The following NDUFA10 variants were observed in gnomAD, a reference collection of about 807,000 sequenced individuals.
NDUFA10 encodes the protein NADH dehydrogenase [ubiquinone] 1 alpha subcomplex subunit 10, mitochondrial.
Under a neutral mutation model 47.8 loss-of-function variants are expected in NDUFA10, and 40 were observed. The observed-to-expected ratio is 0.84, with a 90% CI of 0.65 to 1.09. The LOEUF (loss-of-function observed/expected upper bound fraction) is 1.09. NDUFA10 is among the 50% of genes least tolerant of loss of function. The pLI is 0.00. For synonymous variants in NDUFA10, 183 were observed against 172.2 expected (o/e 1.06, Z -0.49); for missense variants, 413 against 451.1 (o/e 0.92, Z 0.76).
At chr2:239,968,205 C>T (rs1005250746) in intron 9 of NDUFA10, among the ~76,000 whole-genome samples, 8 of 152,136 alleles carry the variant, frequency 5.3e-5, no homozygotes, top group African/African-American at 1.7e-4. Flanking sequence ...CCTACCTGAC[C>T]AACACGGAGA....
intron 3 of NDUFA10, among the ~76,000 whole-genome samples, chr2:240,020,538 TA>T (rs1697578205): frequency 6.6e-6 from 1 of 152,198 alleles, no homozygotes; most frequent in Non-Finnish European, 1.5e-5. Flanking sequence ...TGCACACAAG[TA>T]GTCCATGTTC....
intron 8 of NDUFA10, among the ~76,000 whole-genome samples, chr2:240,001,919 T>C (rs748523486): frequency 2.0e-5 from 3 of 152,208 alleles, no homozygotes; most frequent in Non-Finnish European, 2.9e-5. Flanking sequence ...TTGAAATGTG[T>C]TGTCCACCTG....
At chr2:239,979,943 C>T (rs889023070) in intron 9 of NDUFA10, among the ~76,000 whole-genome samples, 1 of 152,102 alleles carries the variant, frequency 6.6e-6, no homozygotes, top group Non-Finnish European at 1.5e-5. Flanking sequence ...CCATGTCCAC[C>T]TGTTCCTGCC....
At chr2:239,911,670 A>T (rs371747866) in intron 4 of NDUFA10, among the ~76,000 whole-genome samples, 4,910 of 146,602 alleles carry the variant, frequency 0.033, 269 homozygotes, top group African/African-American at 0.12. Context: ...AACATGAGAG[A>T]GTGTGTGTGC....
chr2:239,905,130 T>A (rs1693623220), intron 4 of NDUFA10, among the ~76,000 whole-genome samples: 1 of 152,228 alleles, frequency 6.6e-6, no homozygotes, highest in Non-Finnish European at 1.5e-5. Flanking sequence ...CTGCTGGGTA[T>A]AAACTCACTG....
At chr2:239,978,176 T>A (rs1263217740) in intron 9 of NDUFA10, among the ~76,000 whole-genome samples, 5 of 152,126 alleles carry the variant, frequency 3.3e-5, no homozygotes, top group Non-Finnish European at 1.5e-5. Context: ...TCTTGCATCT[T>A]TTCCCTCTTT....
chr2:239,971,846 A>C (rs1358238059), intron 9 of NDUFA10, among the ~76,000 whole-genome samples: 2 of 152,226 alleles, frequency 1.3e-5, no homozygotes, highest in Non-Finnish European at 2.9e-5. Flanking sequence ...TACTACTTAT[A>C]CGAGGTTTTA....
At chr2:240,022,784 C>G (rs544707596) in intron 1 of NDUFA10, among the ~76,000 whole-genome samples, 17 of 152,166 alleles carry the variant, frequency 1.1e-4, no homozygotes, top group African/African-American at 3.6e-4. Context: ...CCTCGTTACC[C>G]CACTGCCTAT....
At position 239,960,613 on chromosome 2, in the gene NDUFA10, GA is replaced by G; in HGVS notation, c.*504del. ...CTAAAATAAATACAGTAGGCCTTTA[GA>G]AAAACTCTTCAGCATAATGTAAGCC... On this transcript the variant is annotated 3_prime_UTR_variant, in exon 10 of 10. Coordinates refer to ENST00000252711, the MANE Select transcript of NDUFA10 (RefSeq NM_004544.4). 1 of 1,023,548 alleles carries G rather than the reference GA, an allele frequency of 9.8e-7. No individual in the cohort carries two copies. The highest frequency in any genetic ancestry group is 1.2e-6 in the Non-Finnish European group (1 of 850,584). The allele number at this position is 1,023,548 out of a possible 1,614,324, so 63.4% of individuals were successfully genotyped here.
At chr2:240,003,070 G>A (rs977535154) in intron 8 of NDUFA10, among the ~76,000 whole-genome samples, 3 of 152,112 alleles carry the variant, frequency 2.0e-5, no homozygotes, top group Non-Finnish European at 2.9e-5. Context: ...GGCTGGTCTC[G>A]AACTCCGGGG....
rs186669346 is a variant in NDUFA10 at position 240,014,318 on chromosome 2, G to A, written c.669+421C>T. The stretch of plus-strand genomic sequence containing the variant: ...AAGTAAGAAAAAGGGGGAGAGGCAC[G>A]ATTTGCGTTAAATAGATTGAAGTGA... On this transcript the variant is annotated intron_variant, in intron 5 of 9. Transcript: ENST00000252711. 666 of 285,514 alleles carry A rather than the reference G, an allele frequency of 2.3e-3. 3 individuals carry two copies. Among genetic ancestry groups the A allele is most frequent in the South Asian group, 7.1e-3 (196 of 27,668 alleles). 17.7% of individuals were successfully genotyped at this position (285,514 alleles called of 1,614,324 possible).
At chr2:239,915,198 C>T (rs1317945674) in intron 4 of NDUFA10, among the ~76,000 whole-genome samples, 1 of 145,836 alleles carries the variant, frequency 6.9e-6, no homozygotes, top group Non-Finnish European at 1.5e-5. Context: ...CACACGTATA[C>T]AGACACACAA....
At chr2:239,935,542 CCTGG>C (rs778938205) in intron 4 of NDUFA10, among the ~76,000 whole-genome samples, 2 of 152,144 alleles carry the variant, frequency 1.3e-5, no homozygotes, top group South Asian at 4.1e-4. Flanking sequence ...ACGGGGACTC[CCTGG>C]CTGTCTCACT....
rs543171210 is a variant in NDUFA10 at position 239,934,870 on chromosome 2, A to C, written c.295-39556T>G. On this transcript the variant is annotated intron_variant, in intron 4 of 5. Transcript: ENST00000419408. ...CCACACATGGGCCTGCAACTCAGAC[A>C]ACCCCACTCCCTCTCGCTCACCAGG... Among the ~76,000 whole-genome samples the C allele has an allele frequency of 3.3e-5, 5 of 152,232 alleles. No individual in the cohort carries two copies. In the East Asian group the frequency reaches 7.8e-4, roughly 24 times the overall value.
chr2:239,905,350 A>G (rs754051463), intron 4 of NDUFA10, among the ~76,000 whole-genome samples: 5 of 152,210 alleles, frequency 3.3e-5, no homozygotes, highest in Non-Finnish European at 5.9e-5. Flanking sequence ...TCCCGGCTCA[A>G]AGGGCGTCTA....
At chr2:240,022,442 A>G in intron 1 of NDUFA10, 102 bp from the exon 2 acceptor site, 1 of 1,523,456 alleles carries the variant, frequency 6.6e-7, no homozygotes, top group East Asian at 2.4e-5. Context: ...CTTAGTGATA[A>G]AAATGCCAAC....
chr2:239,978,732 G>A (rs938705166), intron 9 of NDUFA10, among the ~76,000 whole-genome samples: 2 of 152,212 alleles, frequency 1.3e-5, no homozygotes, highest in Non-Finnish European at 2.9e-5. Flanking sequence ...GTCTGAAAAG[G>A]AAGAGCTGCT....
At chr2:240,011,500 A>G (rs1369040718) in intron 6 of NDUFA10, 117 bp downstream of exon 6, 3 of 777,052 alleles carry the variant, frequency 3.9e-6, no homozygotes, top group African/African-American at 1.7e-5. Context: ...CAGATTAAAC[A>G]TCTCAGACAA....
intron 9 of NDUFA10, among the ~76,000 whole-genome samples, chr2:239,988,981 G>A (rs1696132093): frequency 6.7e-6 from 1 of 150,192 alleles, no homozygotes; most frequent in African/African-American, 2.5e-5. Flanking sequence ...GACAGAAAGG[G>A]AGAAACAGCA....
Sources: gnomAD v4.1 joint callset for allele counts (sites outside exome capture counted in the v4.1 genomes callset) on GRCh38, gnomAD v4.1.1 for gene constraint, MANE v1.5 for transcripts, NCBI Gene and HGNC (gene_info 2026-07-23, HGNC 2026-07-21) for gene names.